Variants in KATNIP observed in about 807,000 individuals in gnomAD.
The protein encoded by KATNIP is katanin interacting protein.
In KATNIP, 126 loss-of-function variants were observed where a neutral mutation model predicts 174.0. The observed-to-expected ratio is 0.72, with a 90% CI of 0.63 to 0.84. KATNIP has a LOEUF of 0.84. Among genes scored for constraint, KATNIP ranks in the 40% least tolerant of loss-of-function variants. The pLI is 0.00. For missense variants in KATNIP, 1,958 were observed against 2,109.7 expected (o/e 0.93, Z 1.41); for synonymous variants, 810 against 835.7 (o/e 0.97, Z 0.53).
chr16:27,719,335 G>A (rs751149408), intron 13 of KATNIP, among the ~76,000 whole-genome samples: 3 of 152,124 alleles, frequency 2.0e-5, no homozygotes, highest in Non-Finnish European at 2.9e-5. Context: ...GTCTGCAGAG[G>A]GGTCAGAAAT....
chr16:27,580,542 G>A (rs1389093569), intron 2 of KATNIP, among the ~76,000 whole-genome samples: 1 of 152,144 alleles, frequency 6.6e-6, no homozygotes, highest in African/African-American at 2.4e-5. Context: ...CCTGACACCA[G>A]TCTTCATTTG....
chr16:27,729,850 C>G (rs980479327), intron 14 of KATNIP, among the ~76,000 whole-genome samples: 2 of 152,242 alleles, frequency 1.3e-5, no homozygotes, highest in Admixed American at 6.5e-5. Context: ...ATTTCCAAAA[C>G]TAGTCTCCTT....
intron 6 of KATNIP, among the ~76,000 whole-genome samples, chr16:27,668,052 G>A (rs960488204): frequency 1.3e-5 from 2 of 152,136 alleles, no homozygotes; most frequent in Non-Finnish European, 2.9e-5. Flanking sequence ...TGGCCTCAAG[G>A]CAGCTTTGTG....
intron 6 of KATNIP, among the ~76,000 whole-genome samples, chr16:27,661,910 TAA>T (rs1491442614): frequency 1.4e-4 from 6 of 41,684 alleles, no homozygotes; most frequent in African/African-American, 6.2e-4. Flanking sequence ...TGTGCCTGGC[TAA>T]TATATATATA....
intron 2 of KATNIP, among the ~76,000 whole-genome samples, chr16:27,609,612 G>A (rs576249991): frequency 6.6e-6 from 1 of 150,754 alleles, no homozygotes; most frequent in South Asian, 2.1e-4. Flanking sequence ...GGGTGGTCTC[G>A]ATCTCCTGAC....
At chr16:27,592,084 C>T (rs1415872960) in intron 2 of KATNIP, among the ~76,000 whole-genome samples, 1 of 152,026 alleles carries the variant, frequency 6.6e-6, no homozygotes, top group Non-Finnish European at 1.5e-5. Context: ...GGGAGACGAC[C>T]AAGGACAGAA....
chr16:27,640,976 A>G (rs1221814038), intron 5 of KATNIP, among the ~76,000 whole-genome samples: 1 of 152,110 alleles, frequency 6.6e-6, no homozygotes, highest in Non-Finnish European at 1.5e-5. Context: ...TCTCTACTAA[A>G]AATACAAAAA....
intron 2 of KATNIP, among the ~76,000 whole-genome samples, chr16:27,585,087 A>G (rs2090842952): frequency 6.6e-6 from 1 of 152,168 alleles, no homozygotes; most frequent in African/African-American, 2.4e-5. Context: ...GGCAGAGGCA[A>G]TGACTGCCAG....
In KATNIP at chr16:27,740,076, C is replaced by T. The variant is rs574398462; in HGVS notation, c.1779C>T (p.Tyr593=). Residue 593 remains tyrosine, a synonymous_variant, in exon 15 of 28, where the codon TAC becomes TAT. Coordinates refer to ENST00000261588, the MANE Select transcript of KATNIP (RefSeq NM_015202.5). The stretch of plus-strand genomic sequence containing the variant: ...TTGGTGCCAAGAACGTGAAGCTTTA[C>T]GTCAACAGAAACCTCATCTTCAATG... ...LDIGAKNVKL[Y]VNRNLIFNGK... 4.4e-5 allele frequency: 71 copies of T among 1,613,830 alleles called. No individual in the cohort carries two copies. Among genetic ancestry groups the T allele is most frequent in the South Asian group, 6.6e-5 (6 of 90,982 alleles).
intron 13 of KATNIP, among the ~76,000 whole-genome samples, chr16:27,713,802 GTATATACATATATATATATATATATA>G (rs1162043608): frequency 3.5e-4 from 16 of 46,322 alleles, no homozygotes; most frequent in South Asian, 1.2e-3. Flanking sequence ...GTGTGTGTGT[GTATATACATATATATATATATATATA>G]TATATATATA....
chr16:27,684,509 G>A (rs1164052889), intron 8 of KATNIP, among the ~76,000 whole-genome samples: 1 of 152,130 alleles, frequency 6.6e-6, no homozygotes, highest in Non-Finnish European at 1.5e-5. Flanking sequence ...ATATATATTA[G>A]TATTTTAAAA....
rs933235773 is a variant in KATNIP at position 27,633,310 on chromosome 16, C to T, written c.408+2148C>T. On this transcript the variant is annotated intron_variant, in intron 5 of 27. Transcript: ENST00000261588. ...TAAAATATAGATGCTCAGGCCCCAC[C>T]CCCGGAGATTCTGACTTGCTGAGGC... Among the ~76,000 whole-genome samples, 3 of 151,906 alleles carry T rather than the reference C, an allele frequency of 2.0e-5. No homozygotes were observed. In the South Asian group the frequency reaches 6.3e-4, roughly 32 times the overall value.
At chr16:27,702,130 G>A (rs1186025791) in intron 11 of KATNIP, among the ~76,000 whole-genome samples, 1 of 152,090 alleles carries the variant, frequency 6.6e-6, no homozygotes, top group African/African-American at 2.4e-5. Context: ...TCCCCCACCA[G>A]CCCTAAAGCT....
intron 6 of KATNIP, among the ~76,000 whole-genome samples, chr16:27,650,808 T>A (rs1052318238): frequency 1.3e-5 from 2 of 152,378 alleles, no homozygotes; most frequent in South Asian, 4.1e-4. Flanking sequence ...TCGTTTTCTA[T>A]GGAATGATCC....
At chr16:27,665,824 C>T (rs1185899585) in intron 6 of KATNIP, among the ~76,000 whole-genome samples, 3 of 152,130 alleles carry the variant, frequency 2.0e-5, no homozygotes. Context: ...TGGTCTTGAA[C>T]TGCTGGCCTC....
intron 2 of KATNIP, among the ~76,000 whole-genome samples, chr16:27,587,254 T>A (rs1003986967): frequency 2.0e-5 from 3 of 152,130 alleles, no homozygotes; most frequent in Admixed American, 2.0e-4. Flanking sequence ...GCTGTTTAAG[T>A]GTTTGCTGTT....
At chr16:27,735,141 C>T (rs911459394) in intron 14 of KATNIP, among the ~76,000 whole-genome samples, 1 of 152,196 alleles carries the variant, frequency 6.6e-6, no homozygotes, top group Non-Finnish European at 1.5e-5. Flanking sequence ...AGGCAGGGTA[C>T]GACCCTCCCA....
intron 16 of KATNIP, 125 bp from the exon 17 acceptor site, chr16:27,751,594 C>G: frequency 1.2e-6 from 1 of 812,098 alleles, no homozygotes; most frequent in South Asian, 1.7e-5. Flanking sequence ...AAGGCTCACA[C>G]TAATCAATAC....
At chr16:27,632,658 AGGGAGGGGCAGCAGGCAGGCTGGTT>A (rs1463057133) in intron 5 of KATNIP, 17 of 455,898 alleles carry the variant, frequency 3.7e-5, no homozygotes, top group South Asian at 9.3e-5. Context: ...TAACCACAGA[AGGGAGGGGCAGCAGGCAGGCTGGTT>A]GGGAGGGGCA....
Sources: gnomAD v4.1 joint callset for allele counts (sites outside exome capture counted in the v4.1 genomes callset) on GRCh38, gnomAD v4.1.1 for gene constraint, MANE v1.5 for transcripts, NCBI Gene and HGNC (gene_info 2026-07-23, HGNC 2026-07-21) for gene names.